The following LRRC4C variants were observed in gnomAD, a reference collection of about 807,000 sequenced individuals.
LRRC4C encodes the protein leucine-rich repeat-containing protein 4C.
In LRRC4C, 5 loss-of-function variants were observed where a neutral mutation model predicts 33.6. The observed-to-expected ratio is 0.15, with a 90% confidence interval of 0.08 to 0.31. The LOEUF (loss-of-function observed/expected upper bound fraction) is 0.31. Ranked by LOEUF, LRRC4C falls within the 10% of genes least tolerant of loss-of-function variation. The pLI is 1.00. For synonymous variants in LRRC4C, 329 were observed against 302.0 expected, an observed-to-expected ratio of 1.09 and a Z score of -0.93; for missense variants, 560 against 796.7, an observed-to-expected ratio of 0.70 and a Z score of 3.58.
chr11:40,584,800 T>C (rs1257916216), intron 3 of LRRC4C, among the ~76,000 whole-genome samples: 1 of 151,832 alleles, frequency 6.6e-6, no homozygotes, highest in Non-Finnish European at 1.5e-5. Flanking sequence ...GGCATGGTGG[T>C]GCACACCTGT....
intron 3 of LRRC4C, among the ~76,000 whole-genome samples, chr11:40,433,328 A>C (rs1296896745): frequency 1.4e-5 from 2 of 147,106 alleles, no homozygotes; most frequent in South Asian, 4.1e-4. Flanking sequence ...GAGCCATAGG[A>C]AACATTGCTT....
At chr11:40,236,008 C>T (rs1160615321) in intron 5 of LRRC4C, among the ~76,000 whole-genome samples, 1 of 151,928 alleles carries the variant, frequency 6.6e-6, no homozygotes, top group Non-Finnish European at 1.5e-5. Context: ...AGAACAAGTG[C>T]CCAACAGAGA....
chr11:41,424,578 T>C (rs996650914), intron 1 of LRRC4C, among the ~76,000 whole-genome samples: 1 of 151,998 alleles, frequency 6.6e-6, no homozygotes, highest in Non-Finnish European at 1.5e-5. Flanking sequence ...GATGACATGG[T>C]TTGTGGCTTG....
chr11:40,473,393 A>T (rs1226915973), intron 3 of LRRC4C, among the ~76,000 whole-genome samples: 1 of 152,190 alleles, frequency 6.6e-6, no homozygotes. Flanking sequence ...CCTTCCATAA[A>T]ATTAAACACC....
At chr11:40,859,979 G>A (rs995728595) in intron 2 of LRRC4C, among the ~76,000 whole-genome samples, 1 of 152,124 alleles carries the variant, frequency 6.6e-6, no homozygotes, top group East Asian at 1.9e-4. Flanking sequence ...CCAGCTACTT[G>A]GTAGGCTGAG....
chr11:40,144,221 C>G (rs1323580111), intron 5 of LRRC4C, among the ~76,000 whole-genome samples: 1 of 152,226 alleles, frequency 6.6e-6, no homozygotes, highest in Admixed American at 6.5e-5. Context: ...CATACATTCT[C>G]TAATAATGGA....
At chr11:40,635,606 C>T (rs1963875627) in intron 3 of LRRC4C, among the ~76,000 whole-genome samples, 1 of 150,956 alleles carries the variant, frequency 6.6e-6, no homozygotes. Context: ...GCTATTCACT[C>T]CAGAAATTGA....
chr11:41,318,976 T>C (rs996308299), intron 1 of LRRC4C, among the ~76,000 whole-genome samples: 6 of 152,224 alleles, frequency 3.9e-5, no homozygotes, highest in Admixed American at 3.9e-4. Flanking sequence ...TGCCTGAACA[T>C]AACGGAACCT....
intron 1 of LRRC4C, among the ~76,000 whole-genome samples, chr11:41,332,233 A>G (rs1951318128): frequency 6.6e-6 from 1 of 152,224 alleles, no homozygotes; most frequent in African/African-American, 2.4e-5. Context: ...AGCTTGATGA[A>G]TAATTTCAGC....
chr11:40,116,394 T>C, intron 6 of LRRC4C, 60 bp from the exon 7 acceptor site: 1 of 1,485,484 alleles, frequency 6.7e-7, no homozygotes, highest in Non-Finnish European at 9.0e-7. Context: ...AGTGTCTTTC[T>C]GGAGTAATGT....
chr11:40,810,496 C>T lies in LRRC4C; in HGVS notation c.-407+123139G>A, dbSNP rs550995980. On this transcript the variant is annotated intron_variant, in intron 2 of 6. Transcript: ENST00000528697. Reference sequence around the variant, plus strand: ...TAATAACCAAATTTTTAACTTCAGTCCTGATCTTTCTCTTGAGGTTAGACT... The same window carrying T: ...TAATAACCAAATTTTTAACTTCAGTTCTGATCTTTCTCTTGAGGTTAGACT... 7.2e-5 allele frequency among the ~76,000 whole-genome samples: 11 copies of T among 152,244 alleles called. 1 individual carries two copies. In the South Asian group the frequency reaches 2.1e-3, roughly 29 times the overall value.
At chr11:41,214,457 C>T (rs1053267814) in intron 1 of LRRC4C, among the ~76,000 whole-genome samples, 8 of 151,072 alleles carry the variant, frequency 5.3e-5, no homozygotes, top group African/African-American at 1.2e-4. Context: ...TAAATGCAGG[C>T]GCGATGGCTC....
chr11:40,367,574 T>A (rs1948265728), intron 3 of LRRC4C, among the ~76,000 whole-genome samples: 1 of 152,058 alleles, frequency 6.6e-6, no homozygotes, highest in Non-Finnish European at 1.5e-5. Flanking sequence ...AGAAGGGGAA[T>A]CATGAAAAGG....
chr11:40,967,302 AATAGT>A (rs376309738), intron 1 of LRRC4C, among the ~76,000 whole-genome samples: 9 of 152,130 alleles, frequency 5.9e-5, no homozygotes, highest in African/African-American at 2.2e-4. Context: ...AGCATGAATA[AATAGT>A]AGGCTTGAAA....
At chr11:40,996,690 C>G (rs911252829) in intron 1 of LRRC4C, among the ~76,000 whole-genome samples, 13 of 152,088 alleles carry the variant, frequency 8.5e-5, no homozygotes, top group Admixed American at 6.6e-4. Flanking sequence ...GTGCCAGCAT[C>G]TGCTTCTGGT....
chr11:41,020,395 T>G (rs1321408209), intron 1 of LRRC4C, among the ~76,000 whole-genome samples: 1 of 152,096 alleles, frequency 6.6e-6, no homozygotes, highest in Non-Finnish European at 1.5e-5. Flanking sequence ...CATATTTAAT[T>G]AAAATGCATA....
At chr11:40,161,688 G>A (rs1240948172) in intron 5 of LRRC4C, among the ~76,000 whole-genome samples, 2 of 152,102 alleles carry the variant, frequency 1.3e-5, no homozygotes, top group East Asian at 1.9e-4. Context: ...CCGGGAGGTG[G>A]AGGTTGCACA....
intron 5 of LRRC4C, among the ~76,000 whole-genome samples, chr11:40,157,366 C>T (rs1356830874): frequency 1.3e-5 from 2 of 151,996 alleles, no homozygotes; most frequent in Non-Finnish European, 2.9e-5. Context: ...ATTTCATAAC[C>T]AAGAACCCCC....
intron 3 of LRRC4C, among the ~76,000 whole-genome samples, chr11:40,354,471 GC>G (rs1947564560): frequency 6.6e-6 from 1 of 152,132 alleles, no homozygotes; most frequent in Non-Finnish European, 1.5e-5. Flanking sequence ...TTTTCTCGGA[GC>G]CAGGGCCTGT....
Sources: allele counts gnomAD v4.1 joint callset (sites outside exome capture counted in the v4.1 genomes callset), GRCh38; gene constraint gnomAD v4.1.1; transcripts MANE v1.5; gene names NCBI Gene and HGNC (gene_info 2026-07-23, HGNC 2026-07-21).